The following CDH18 variants were observed in gnomAD, a reference collection of about 807,000 sequenced individuals.
CDH18 encodes cadherin 18, also known as cadherin-18.
In CDH18, 31 loss-of-function variants were observed where a neutral mutation model predicts 67.9. That is an observed-to-expected ratio of 0.46 (90% confidence interval 0.34 to 0.62). The LOEUF is 0.62. CDH18 is among the 20% of genes least tolerant of loss of function. The probability of loss-of-function intolerance (pLI) is 0.01; values close to 1 mark genes in which losing one functional copy is unlikely to be tolerated. For missense variants in CDH18, 890 were observed against 975.5 expected, an observed-to-expected ratio of 0.91 and a Z score of 1.17; for synonymous variants, 362 against 347.2, an observed-to-expected ratio of 1.04 and a Z score of -0.48.
intron 1 of CDH18, among the ~76,000 whole-genome samples, chr5:20,381,350 G>A (rs995944994): frequency 1.3e-5 from 2 of 152,038 alleles, no homozygotes; most frequent in East Asian, 1.9e-4. Flanking sequence ...GAGCCTCATG[G>A]GGAAGAAACT....
chr5:20,044,686 T>C (rs1467117946), intron 2 of CDH18, among the ~76,000 whole-genome samples: 1 of 152,072 alleles, frequency 6.6e-6, no homozygotes, highest in African/African-American at 2.4e-5. Context: ...TTTTAGAAAA[T>C]GTAAATCACT....
chr5:19,570,953 A>G (rs1235483119), intron 8 of CDH18, among the ~76,000 whole-genome samples: 2 of 152,216 alleles, frequency 1.3e-5, no homozygotes, highest in Non-Finnish European at 2.9e-5. Flanking sequence ...TCTGCTAGTA[A>G]GCAGACACAA....
chr5:19,751,922 T>G (rs1450234878), intron 3 of CDH18, among the ~76,000 whole-genome samples: 3 of 152,072 alleles, frequency 2.0e-5, no homozygotes. Flanking sequence ...ACTGCAGGAA[T>G]AGCAGGAATC....
At chr5:20,248,276 T>C (rs1263339204) in intron 2 of CDH18, among the ~76,000 whole-genome samples, 1 of 152,214 alleles carries the variant, frequency 6.6e-6, no homozygotes, top group Admixed American at 6.5e-5. Flanking sequence ...AAAGAGATGC[T>C]TGACTTTAAG....
At chr5:19,814,104 C>G (rs1363940818) in intron 3 of CDH18, among the ~76,000 whole-genome samples, 1 of 151,634 alleles carries the variant, frequency 6.6e-6, no homozygotes, top group Admixed American at 6.6e-5. Flanking sequence ...GAAAGAGGCT[C>G]TTTTGCTAGC....
intron 1 of CDH18, among the ~76,000 whole-genome samples, chr5:20,502,135 A>G (rs1754372218): frequency 6.6e-6 from 1 of 152,126 alleles, no homozygotes; most frequent in Non-Finnish European, 1.5e-5. Context: ...TAGATTGCTT[A>G]TCTTGCAGAA....
intron 1 of CDH18, among the ~76,000 whole-genome samples, chr5:20,568,287 A>G (rs1389662254): frequency 1.3e-5 from 2 of 152,162 alleles, no homozygotes; most frequent in Non-Finnish European, 2.9e-5. Flanking sequence ...CTATCAAAGG[A>G]ATTTTATAAT....
At chr5:20,016,964 C>T (rs1236039843) in intron 2 of CDH18, among the ~76,000 whole-genome samples, 1 of 152,070 alleles carries the variant, frequency 6.6e-6, no homozygotes, top group African/African-American at 2.4e-5. Flanking sequence ...TTTTCAATTT[C>T]TCATGGTTCA....
chr5:19,698,505 T>G (rs1275755531), intron 5 of CDH18, among the ~76,000 whole-genome samples: 1 of 151,972 alleles, frequency 6.6e-6, no homozygotes, highest in Non-Finnish European at 1.5e-5. Context: ...CTCCAAACAT[T>G]TGATAATGAT....
intron 1 of CDH18, among the ~76,000 whole-genome samples, chr5:20,428,112 C>A (rs1307872379): frequency 1.3e-5 from 2 of 150,768 alleles, no homozygotes; most frequent in Non-Finnish European, 2.9e-5. Flanking sequence ...CACCCACCAA[C>A]AGGCCCTGGT....
chr5:20,031,979 A>G (rs1214741883), intron 2 of CDH18, among the ~76,000 whole-genome samples: 2 of 152,016 alleles, frequency 1.3e-5, no homozygotes, highest in Non-Finnish European at 2.9e-5. Context: ...GGGAGCTGGT[A>G]TTGAGAGCCA....
At position 20,301,179 on chromosome 5, in the gene CDH18, GTTTT is replaced by G. The variant is rs753799194; in HGVS notation, c.-579-45678_-579-45675del. 9.7e-3 allele frequency among the ~76,000 whole-genome samples: 1,479 copies of G among 151,696 alleles called. 11 individuals are homozygous for G. The highest frequency in any genetic ancestry group is 0.02 in the African/African-American group (843 of 41,380). ...GTAATTGTATAGACAGTGTTTTTTTGTTTTTTTGTTTGTTTGTTTGTTTGTTTTA... is the reference window on the plus strand; with the variant it reads ...GTAATTGTATAGACAGTGTTTTTTTGTTTGTTTGTTTGTTTGTTTGTTTTA... On this transcript the variant is annotated intron_variant, in intron 1 of 14. Transcript: ENST00000507958.
intron 3 of CDH18, among the ~76,000 whole-genome samples, chr5:19,825,632 C>T (rs2149968924): frequency 6.6e-6 from 1 of 151,822 alleles, no homozygotes; most frequent in East Asian, 1.9e-4. Flanking sequence ...CATTCAAGAT[C>T]CAGGGGCAAA....
chr5:20,372,949 T>A (rs1743125296), intron 1 of CDH18, among the ~76,000 whole-genome samples: 1 of 152,180 alleles, frequency 6.6e-6, no homozygotes, highest in Non-Finnish European at 1.5e-5. Flanking sequence ...TAAGGATGTT[T>A]TCTCAAAATG....
Position 19,894,211 on chromosome 5 carries a change from C to G in CDH18, c.-256-54969G>C, listed in dbSNP as rs561819087. On this transcript the variant is annotated intron_variant, in intron 2 of 12. Coordinates refer to ENST00000382275, the MANE Select transcript of CDH18 (RefSeq NM_004934.5). The stretch of plus-strand genomic sequence containing the variant: ...ATCTATTTTAGTTTTTAAACTTCCT[C>G]TTTTAGGTGAAAGACTACAGTATTT... Among the ~76,000 whole-genome samples the G allele has an allele frequency of 7.2e-5, 11 of 152,068 alleles. No individual in the cohort carries two copies. The South Asian group carries it at 2.1e-3, about 29-fold the overall frequency.
At chr5:20,558,343 CT>C in intron 1 of CDH18, among the ~76,000 whole-genome samples, 1 of 152,168 alleles carries the variant, frequency 6.6e-6, no homozygotes, top group Middle Eastern at 3.4e-3. Context: ...TGCAGAAAGC[CT>C]TTGAGTGTTA....
chr5:20,381,774 C>T (rs984053146), intron 1 of CDH18, among the ~76,000 whole-genome samples: 2 of 151,982 alleles, frequency 1.3e-5, no homozygotes, highest in African/African-American at 4.8e-5. Context: ...AGACCTCTTC[C>T]CGTTCAACAA....
At chr5:19,817,426 T>C (rs555854133) in intron 3 of CDH18, among the ~76,000 whole-genome samples, 3 of 152,070 alleles carry the variant, frequency 2.0e-5, no homozygotes, top group African/African-American at 7.2e-5. Flanking sequence ...AGGACATTCA[T>C]AACATTATTA....
At chr5:19,945,856 A>C (rs937907890) in intron 2 of CDH18, among the ~76,000 whole-genome samples, 1 of 152,126 alleles carries the variant, frequency 6.6e-6, no homozygotes, top group African/African-American at 2.4e-5. Context: ...AGACTCAAAA[A>C]TCATTTTGAT....
Sources: gnomAD v4.1 joint callset for allele counts (sites outside exome capture counted in the v4.1 genomes callset) on GRCh38, gnomAD v4.1.1 for gene constraint, MANE v1.5 for transcripts, NCBI Gene and HGNC (gene_info 2026-07-23, HGNC 2026-07-21) for gene names.